The following PSMD9 variants were observed in gnomAD, a reference collection of about 807,000 sequenced individuals.
The protein encoded by PSMD9 is 26S proteasome non-ATPase regulatory subunit 9.
In PSMD9, 26 loss-of-function variants were observed where a neutral mutation model predicts 25.9. The ratio of observed to expected loss-of-function variants is 1.00; its 90% CI spans 0.73 to 1.39. PSMD9 has a LOEUF of 1.39. Ranked by LOEUF, PSMD9 falls within the 40% of genes most tolerant of loss-of-function variation. PSMD9 has a pLI of 0.00. For missense variants in PSMD9, 303 were observed against 299.3 expected (o/e 1.01, Z -0.09); for synonymous variants, 110 against 114.5 (o/e 0.96, Z 0.25).
At chr12:121,915,672 G>A (rs1275893804) in intron 4 of PSMD9, 184 bp from the exon 5 acceptor site, 1 of 596,536 alleles carries the variant, frequency 1.7e-6, no homozygotes, top group Non-Finnish European at 3.0e-6. Flanking sequence ...TGGTACTGAG[G>A]TCAGCACCCT....
intron 4 of PSMD9, among the ~76,000 whole-genome samples, chr12:121,905,879 G>A (rs1042090896): frequency 6.6e-6 from 1 of 151,856 alleles, no homozygotes; most frequent in African/African-American, 2.4e-5. Flanking sequence ...TTGCCACCAC[G>A]ATGAAGGTCA....
intron 4 of PSMD9, chr12:121,914,920 ATCT>A (rs1338545335): frequency 6.6e-6 from 1 of 152,176 alleles, no homozygotes; most frequent in Non-Finnish European, 1.5e-5. Flanking sequence ...AAAAGTAAAC[ATCT>A]TCTTTTTCCA....
chr12:121,899,921 G>C, intron 3 of PSMD9, 76 bp downstream of exon 3: 1 of 1,513,494 alleles, frequency 6.6e-7, no homozygotes, highest in East Asian at 2.3e-5. Flanking sequence ...GATGTGGAAA[G>C]ACAGACTAGT....
chr12:121,910,062 T>C (rs1242422416), intron 4 of PSMD9, among the ~76,000 whole-genome samples: 2 of 149,508 alleles, frequency 1.3e-5, no homozygotes, highest in Non-Finnish European at 3.0e-5. Flanking sequence ...AGATATTCTT[T>C]GACAATCTGG....
At chr12:121,904,041 G>T (rs1879478276) in intron 4 of PSMD9, among the ~76,000 whole-genome samples, 1 of 152,012 alleles carries the variant, frequency 6.6e-6, no homozygotes, top group Admixed American at 6.6e-5. Flanking sequence ...CTGCTTAGCT[G>T]CACGGTTCAT....
chr12:121,896,246 G>A (rs897095588), intron 2 of PSMD9, among the ~76,000 whole-genome samples: 16 of 152,118 alleles, frequency 1.1e-4, no homozygotes, highest in African/African-American at 3.1e-4. Context: ...AAGGCGGGCA[G>A]ATCACCTGAG....
In PSMD9 at chr12:121,916,503, G is replaced by T; in HGVS notation, c.*192G>T. 1 of 681,304 alleles carries T rather than the reference G, an allele frequency of 1.5e-6. No individual in the cohort carries two copies. Among genetic ancestry groups the T allele is most frequent in the Non-Finnish European group, 2.5e-6 (1 of 408,084 alleles). The allele number at this position is 681,304 out of a possible 1,614,324, so 42.2% of individuals were successfully genotyped here. A position where few individuals can be genotyped will look rare whatever the true frequency, so the allele number is the denominator to read the frequency against. Reference sequence around the variant, plus strand: ...GATTAAGGCATTCTTAAAAACTTAGGCTTGGCCTCTTTCACAAATTAGGCC... The same window carrying T: ...GATTAAGGCATTCTTAAAAACTTAGTCTTGGCCTCTTTCACAAATTAGGCC... On this transcript the variant is annotated 3_prime_UTR_variant, in exon 6 of 6. Transcript: ENST00000541212.
At chr12:121,912,131 C>T (rs932330005) in intron 4 of PSMD9, among the ~76,000 whole-genome samples, 7 of 151,622 alleles carry the variant, frequency 4.6e-5, no homozygotes, top group South Asian at 2.1e-4. Context: ...TCTGGACTTC[C>T]CAGGCTCAAG....
At position 121,895,034 on chromosome 12, in the gene PSMD9, C is replaced by T. The variant is rs539492599; in HGVS notation, c.241+193C>T. ...GGTTCTATATTTCTGGTTTCATTTTCTCTCTCTCTCTCTCTCTCTTTTTTT... is the reference window on the plus strand; with the variant it reads ...GGTTCTATATTTCTGGTTTCATTTTTTCTCTCTCTCTCTCTCTCTTTTTTT... On this transcript the variant is annotated intron_variant, in intron 2 of 5. Transcript: ENST00000541212. 1.8e-4 allele frequency among the ~76,000 whole-genome samples: 27 copies of T among 151,314 alleles called. No homozygotes were observed. In the South Asian group the frequency reaches 2.1e-3, roughly 12 times the overall value.
chr12:121,913,498 T>C (rs1043903862), intron 4 of PSMD9, among the ~76,000 whole-genome samples: 9 of 151,188 alleles, frequency 6.0e-5, no homozygotes, highest in African/African-American at 1.9e-4. Flanking sequence ...TTTTTCTTTT[T>C]TTTTTTTTTT....
chr12:121,901,666 CTTTTTTTT>C (rs563939839), intron 3 of PSMD9, among the ~76,000 whole-genome samples: 6 of 93,608 alleles, frequency 6.4e-5, no homozygotes, highest in African/African-American at 2.4e-4. Flanking sequence ...TTCATTCCTT[CTTTTTTTT>C]TTTTTTTTTT....
chr12:121,888,837 G>A lies in PSMD9; in HGVS notation c.-20G>A, dbSNP rs753765183. 6.0e-5 allele frequency: 95 copies of A among 1,596,262 alleles called. 1 individual carries two copies. The highest frequency in any genetic ancestry group is 3.7e-4 in the South Asian group (33 of 88,526). On this transcript the variant is annotated 5_prime_UTR_variant, in exon 1 of 6. Transcript: ENST00000541212. ...CTAGCCCGGGAGCCGGGTCTCTGGA[G>A]TCGCGGCCCGGGGTTCACGATGTCC...
At chr12:121,895,204 C>T (rs527263308) in intron 2 of PSMD9, among the ~76,000 whole-genome samples, 1 of 152,186 alleles carries the variant, frequency 6.6e-6, no homozygotes, top group African/African-American at 2.4e-5. Flanking sequence ...TGTCGCTGTG[C>T]CTGGCTAATT....
At chr12:121,890,621 C>G (rs960680073) in intron 1 of PSMD9, among the ~76,000 whole-genome samples, 1 of 151,984 alleles carries the variant, frequency 6.6e-6, no homozygotes, top group Non-Finnish European at 1.5e-5. Context: ...GTACGTGCCA[C>G]CACGCCCAGC....
At chr12:121,899,316 C>G (rs1440791606) in intron 2 of PSMD9, 1 of 328,458 alleles carries the variant, frequency 3.0e-6, no homozygotes, top group Non-Finnish European at 5.8e-6. Context: ...TTCTGCTCAC[C>G]TCTCAGGGCT....
chr12:121,896,214 A>G (rs1392396351), intron 2 of PSMD9, among the ~76,000 whole-genome samples: 2 of 152,140 alleles, frequency 1.3e-5, no homozygotes, highest in African/African-American at 2.4e-5. Flanking sequence ...TCATGCCTGT[A>G]ATCCCAGCAC....
chr12:121,905,448 TCTC>T (rs1341608887), intron 4 of PSMD9, among the ~76,000 whole-genome samples: 1 of 151,280 alleles, frequency 6.6e-6, no homozygotes, highest in East Asian at 1.9e-4. Context: ...ATGGTCTCGA[TCTC>T]CTGACCTCGT....
chr12:121,910,083 CTTTTTT>C (rs34940246), intron 4 of PSMD9, among the ~76,000 whole-genome samples: 43 of 95,562 alleles, frequency 4.5e-4, no homozygotes, highest in Admixed American at 9.9e-4. Context: ...TAGGAAATGA[CTTTTTT>C]TTTTTTTTTT....
In PSMD9 at chr12:121,891,298, T is replaced by TAA. The variant is rs1209397158; in HGVS notation, c.138+2323_138+2324dup. Among the ~76,000 whole-genome samples, 379 of 91,688 alleles carry TAA rather than the reference T, an allele frequency of 4.1e-3. 3 individuals are homozygous for TAA. Among genetic ancestry groups the TAA allele is most frequent in the Middle Eastern group, 0.015 (2 of 134 alleles). 60.2% of individuals were successfully genotyped at this position (91,688 alleles called of 152,430 possible). The stretch of plus-strand genomic sequence containing the variant: ...GTGACAGAGTGAGATGCTGTCTCTT[T>TAA]AAAAAAAAAAAAAAAAAAAAGGCCG... On this transcript the variant is annotated intron_variant, in intron 1 of 5. Transcript: ENST00000541212.
Sources: allele counts gnomAD v4.1 joint callset (sites outside exome capture counted in the v4.1 genomes callset), GRCh38; gene constraint gnomAD v4.1.1; transcripts MANE v1.5; gene names NCBI Gene and HGNC (gene_info 2026-07-23, HGNC 2026-07-21).